Variants in SLC13A2 observed in about 807,000 individuals in gnomAD.
The protein encoded by SLC13A2 is Na(+)-coupled citrate transporter.
A neutral mutation model predicts 58.5 loss-of-function variants in SLC13A2; 40 were observed. That is an observed-to-expected ratio of 0.68 (90% CI 0.53 to 0.89). The LOEUF (loss-of-function observed/expected upper bound fraction) is 0.89. SLC13A2 is among the 40% of genes least tolerant of loss of function. The pLI is 0.00. For missense variants in SLC13A2, 694 were observed against 772.6 expected, an observed-to-expected ratio of 0.90 and a Z score of 1.21; for synonymous variants, 341 against 331.6, an observed-to-expected ratio of 1.03 and a Z score of -0.31.
At position 28,490,804 on chromosome 17, in the gene SLC13A2, C is replaced by T. The variant is rs782213967; in HGVS notation, c.472C>T (p.Gln158Ter). The part of the protein sequence containing the change: ...MVPIAHAVLD[Q>*]LHSSQASSNV... ...GCCCATCGCACATGCCGTCCTGGAC[C>T]AGCTGCACAGCTCGCAAGCCAGCAG... Residue 158 changes from glutamine (Q) to a stop codon, truncating the protein, a stop_gained, in exon 4 of 12, where the codon CAG (glutamine) becomes TAG (stop). Transcript: ENST00000314669. LOFTEE classifies it high-confidence loss of function. 1.2e-6 allele frequency: 2 copies of T among 1,614,132 alleles called. No individual in the cohort carries two copies. The highest frequency in any genetic ancestry group is 8.5e-7 in the Non-Finnish European group (1 of 1,180,030).
rs782808580 is a variant in SLC13A2, at chr17:28,497,272, T to C, written c.*3T>C. ...ACACCACCACACCAAGCCCCTAGGC[T>C]GGGGCACAGCCTGGCCATGCCCAGG... is the stretch of plus-strand genomic sequence containing the variant. On this transcript the variant is annotated 3_prime_UTR_variant, in exon 12 of 12. Transcript: ENST00000314669. 7 of 1,611,636 alleles carry C rather than the reference T, an allele frequency of 4.3e-6. No homozygotes were observed. The highest frequency in any genetic ancestry group is 4.2e-6 in the Non-Finnish European group (5 of 1,178,370).
Position 28,490,165 on chromosome 17 carries a change from T to C in SLC13A2, c.232-289T>C, listed in dbSNP as rs990053357. On this transcript the variant is annotated intron_variant, in intron 2 of 11. Transcript: ENST00000314669. ...GGTGCGTGCCTGTAGTCCCAGCTACTTGGGAGGCTGAGGTGGGAGGATGGT... is the reference window on the plus strand; with the variant it reads ...GGTGCGTGCCTGTAGTCCCAGCTACCTGGGAGGCTGAGGTGGGAGGATGGT... 1.1e-5 allele frequency: 8 copies of C among 744,030 alleles called. No homozygotes were observed. The African/African-American group carries it at 1.2e-4, about 12-fold the overall frequency. 46.1% of individuals were successfully genotyped at this position (744,030 alleles called of 1,614,324 possible).
chr17:28,490,469 C>G lies in SLC13A2; in HGVS notation c.247C>G (p.Leu83Val). Residue 83 changes from leucine to valine, a missense_variant, in exon 3 of 12, where the codon CTT (leucine) becomes GTT (valine). Coordinates refer to ENST00000314669, the MANE Select transcript of SLC13A2 (RefSeq NM_003984.4). ...CACCTGCCAGGTTGCCGTCGAGTAT[C>G]TTAAGGACTCCAACCTCCTGTTCTT... Reference protein sequence around the residue: ...VDASEVAVEYLKDSNLLFFGG... With the variant: ...VDASEVAVEYVKDSNLLFFGG... 3 of 1,614,068 alleles carry G rather than the reference C, an allele frequency of 1.9e-6. No homozygotes were observed. Among genetic ancestry groups the G allele is most frequent in the Non-Finnish European group, 2.5e-6 (3 of 1,180,002 alleles).
At chr17:28,492,049 G>T (rs782530585) in intron 6 of SLC13A2, among the ~76,000 whole-genome samples, 197 bp downstream of exon 6, 1 of 152,110 alleles carries the variant, frequency 6.6e-6, no homozygotes, top group African/African-American at 2.4e-5. Context: ...TCACAGATGC[G>T]CAAATTGAGG....
rs781798166 is a variant in SLC13A2 at position 28,493,669 on chromosome 17, C to A, written c.977C>A (p.Thr326Asn). The change falls in exon 7 of 12, where the codon ACC becomes AAC. Residue 326 changes from threonine (T) to asparagine (N), a missense_variant. Transcript: ENST00000314669. ...GAGCACAGGCTGCTGGGCCCCATGACCTTTGCAGAAAAGGCCATCAGCATC... is the reference window on the plus strand; with the variant it reads ...GAGCACAGGCTGCTGGGCCCCATGAACTTTGCAGAAAAGGCCATCAGCATC... ...QTEHRLLGPM[T>N]FAEKAISILF... 29 of 1,614,246 alleles carry A rather than the reference C, an allele frequency of 1.8e-5. No homozygotes were observed. Among genetic ancestry groups the A allele is most frequent in the Non-Finnish European group, 2.4e-5 (28 of 1,180,042 alleles).
In SLC13A2 at chr17:28,480,331, CA is replaced by C. The variant is rs533007991; in HGVS notation, c.102+6527del. Among the ~76,000 whole-genome samples, 14 of 148,610 alleles carry C rather than the reference CA, an allele frequency of 9.4e-5. No individual in the cohort carries two copies. The East Asian group carries it at 1.2e-3, about 12-fold the overall frequency. On this transcript the variant is annotated intron_variant, in intron 1 of 11. Transcript: ENST00000314669. ...CATGGGTGACAGAACAAGGCCTTGTCAAAAAAAAAATCTGTGTAGTTAAAAT... is the reference window on the plus strand; with the variant it reads ...CATGGGTGACAGAACAAGGCCTTGTCAAAAAAAAATCTGTGTAGTTAAAAT...
At chr17:28,492,035 C>T (rs1770502615) in intron 6 of SLC13A2, among the ~76,000 whole-genome samples, 183 bp downstream of exon 6, 1 of 152,186 alleles carries the variant, frequency 6.6e-6, no homozygotes, top group Admixed American at 6.5e-5. Context: ...AGTATTATCC[C>T]ATTTCACAGA....
intron 1 of SLC13A2, among the ~76,000 whole-genome samples, chr17:28,479,181 C>G (rs1269125707): frequency 1.3e-5 from 2 of 152,158 alleles, no homozygotes; most frequent in Non-Finnish European, 2.9e-5. Flanking sequence ...CCACTGCACT[C>G]CAGCCTGGGC....
intron 1 of SLC13A2, among the ~76,000 whole-genome samples, chr17:28,476,672 C>T (rs2068676509): frequency 6.6e-6 from 1 of 152,168 alleles, no homozygotes; most frequent in South Asian, 2.1e-4. Context: ...CTTCTCTGAC[C>T]AACCCCAGTC....
Position 28,473,646 on chromosome 17 carries a change from A to T in SLC13A2, c.-67A>T. On this transcript the variant is annotated 5_prime_UTR_variant, in exon 1 of 12. Coordinates refer to ENST00000314669, the MANE Select transcript of SLC13A2 (RefSeq NM_003984.4). ...GCCTGCCACCTGCCTGCTTGGCTGCATCTTTGGTCCTTCTGTTACCCAGCT... is the reference window on the plus strand; with the variant it reads ...GCCTGCCACCTGCCTGCTTGGCTGCTTCTTTGGTCCTTCTGTTACCCAGCT... 8.4e-7 allele frequency: 1 copy of T among 1,191,126 alleles called. No homozygotes were observed. 73.8% of individuals were successfully genotyped at this position (1,191,126 alleles called of 1,614,324 possible). A position where few individuals can be genotyped will look rare whatever the true frequency, so the allele number is the denominator to read the frequency against.
In SLC13A2 at chr17:28,493,636, T is replaced by C. The variant is rs2069073747; in HGVS notation, c.944T>C (p.Ile315Thr). The C allele has an allele frequency of 6.2e-7, 1 of 1,614,142 alleles. No individual in the cohort carries two copies. Among genetic ancestry groups the C allele is most frequent in the East Asian group, 2.2e-5 (1 of 44,878 alleles). ...CAACAGCAGGCAGCCTACTGCGTCA[T>C]CCAGACCGAGCACAGGCTGCTGGGC... ...QEQQQAAYCVIQTEHRLLGPM... is the reference protein window; with the variant it reads ...QEQQQAAYCVTQTEHRLLGPM... Residue 315 changes from isoleucine (I) to threonine (T), a missense_variant, in exon 7 of 12, where the codon ATC (isoleucine) becomes ACC (threonine). Physicochemically the swap from Ile to Thr is moderately conservative, Grantham distance 89 (BLOSUM62 -1). Coordinates refer to ENST00000314669, the MANE Select transcript of SLC13A2 (RefSeq NM_003984.4).
chr17:28,477,335 A>AGGC (rs1467499687), intron 1 of SLC13A2, among the ~76,000 whole-genome samples: 1 of 151,390 alleles, frequency 6.6e-6, no homozygotes, highest in Non-Finnish European at 1.5e-5. Context: ...CTGGGACTAC[A>AGGC]GTCACCTGCC....
chr17:28,477,411 G>A (rs555763654), intron 1 of SLC13A2, among the ~76,000 whole-genome samples: 65 of 151,788 alleles, frequency 4.3e-4, no homozygotes, highest in Non-Finnish European at 6.0e-4. Context: ...AGCCAGGATG[G>A]TCTTGATCTC....
At chr17:28,484,787 C>T (rs2068846772) in intron 1 of SLC13A2, among the ~76,000 whole-genome samples, 1 of 152,138 alleles carries the variant, frequency 6.6e-6, no homozygotes, top group South Asian at 2.1e-4. Context: ...GGGGCAGAAC[C>T]AGCAGGACTG....
At chr17:28,474,619 G>A (rs117101115) in intron 1 of SLC13A2, among the ~76,000 whole-genome samples, 2,457 of 152,272 alleles carry the variant, frequency 0.016, 28 homozygotes, top group Admixed American at 0.024. Flanking sequence ...CAAGTTTCAT[G>A]GAACTTGGAT....
rs371984598 is a variant in SLC13A2 at position 28,473,799 on chromosome 17, C to T, written c.87C>T (p.Ile29=). Reference sequence around the variant, plus strand: ...CCATTCTCCTGCTGCCTCTGCCCATCCTCGTCCCCAGTAAGGTAAGGACTT... The same window carrying T: ...CCATTCTCCTGCTGCCTCTGCCCATTCTCGTCCCCAGTAAGGTAAGGACTT... ...FVPILLLPLP[I]LVPSKEAYCA... is the part of the protein sequence containing the mutation. The change falls in exon 1 of 12, where the codon ATC becomes ATT. Residue 29 remains isoleucine, a synonymous_variant. Coordinates refer to ENST00000314669, the MANE Select transcript of SLC13A2 (RefSeq NM_003984.4). 9.3e-6 allele frequency: 15 copies of T among 1,614,092 alleles called. No homozygotes were observed. The African/African-American group carries it at 1.1e-4, about 11-fold the overall frequency.
chr17:28,476,399 C>T (rs1211584992), intron 1 of SLC13A2, among the ~76,000 whole-genome samples: 2 of 151,786 alleles, frequency 1.3e-5, no homozygotes, highest in Non-Finnish European at 2.9e-5. Flanking sequence ...TGAGACCCCA[C>T]CTTAATTTGA....
Position 28,496,883 on chromosome 17 carries a change from C to T in SLC13A2, c.1609-216C>T, listed in dbSNP as rs972357570. Among the ~76,000 whole-genome samples the T allele has an allele frequency of 2.0e-5, 3 of 152,216 alleles. No homozygotes were observed. The highest frequency in any genetic ancestry group is 6.5e-5 in the Admixed American group (1 of 15,284). Reference sequence around the variant, plus strand: ...GAGCTCAGAGAGAACAAGCCCAGGGCCCTGGAAGCTCAGGAGGAGCGCCCC... The same window carrying T: ...GAGCTCAGAGAGAACAAGCCCAGGGTCCTGGAAGCTCAGGAGGAGCGCCCC... On this transcript the variant is annotated intron_variant, in intron 11 of 11. Coordinates refer to ENST00000314669, the MANE Select transcript of SLC13A2 (RefSeq NM_003984.4). The surrounding 1 kb of genome is among the most constrained non-coding windows in gnomAD (Gnocchi z 4.2).
chr17:28,484,446 G>A (rs562785033), intron 1 of SLC13A2, among the ~76,000 whole-genome samples: 36 of 152,276 alleles, frequency 2.4e-4, no homozygotes, highest in African/African-American at 8.2e-4. Context: ...AACCCACAGA[G>A]GGCTGGTATG....
Sources: gnomAD v4.1 joint callset for allele counts (sites outside exome capture counted in the v4.1 genomes callset) on GRCh38, gnomAD v4.1.1 for gene constraint, Gnocchi (gnomAD v3.1) non-coding constraint, MANE v1.5 for transcripts, NCBI Gene and HGNC (gene_info 2026-07-23, HGNC 2026-07-21) for gene names.